The following NEBL variants were observed in gnomAD, a reference collection of about 807,000 sequenced individuals.
NEBL encodes the protein nebulette, also known as LIM and SH3 protein 2.
In NEBL, 122 loss-of-function variants were observed where a neutral mutation model predicts 140.2. That is an observed-to-expected ratio of 0.87 (90% CI 0.75 to 1.01). The LOEUF is 1.01. Among genes scored for constraint, NEBL ranks in the 50% least tolerant of loss-of-function variants. The pLI is 0.00. For synonymous variants in NEBL, 436 were observed against 398.9 expected, an observed-to-expected ratio of 1.09 and a Z score of -1.11; for missense variants, 1,365 against 1,231.3, an observed-to-expected ratio of 1.11 and a Z score of -1.62.
intron 4 of NEBL, among the ~76,000 whole-genome samples, chr10:20,884,365 C>A (rs747780842): frequency 3.3e-5 from 5 of 152,154 alleles, no homozygotes; most frequent in Non-Finnish European, 5.9e-5. Context: ...GCACGAGCCA[C>A]AGCATCTGGC....
At chr10:20,798,348 A>C (rs2131679139) in intron 26 of NEBL, among the ~76,000 whole-genome samples, 1 of 152,270 alleles carries the variant, frequency 6.6e-6, no homozygotes, top group Non-Finnish European at 1.5e-5. Flanking sequence ...CACAACCTAC[A>C]CGCCTAGGGC....
intron 3 of NEBL, among the ~76,000 whole-genome samples, chr10:21,223,619 C>A (rs998914994): frequency 2.0e-5 from 3 of 152,142 alleles, no homozygotes. Flanking sequence ...TTTGAGGAAC[C>A]TCCAATTGTT....
chr10:21,190,353 T>C (rs1202256285), intron 3 of NEBL, among the ~76,000 whole-genome samples: 1 of 151,716 alleles, frequency 6.6e-6, no homozygotes, highest in Non-Finnish European at 1.5e-5. Context: ...GGCATGGTGG[T>C]GCATGCCTTA....
intron 18 of NEBL, among the ~76,000 whole-genome samples, chr10:20,824,921 C>T (rs1049216454): frequency 1.3e-5 from 2 of 152,074 alleles, no homozygotes; most frequent in Non-Finnish European, 2.9e-5. Context: ...GAAAGAGAAG[C>T]AATGAATATT....
At chr10:21,076,682 A>T (rs917399717) in intron 2 of NEBL, among the ~76,000 whole-genome samples, 3 of 152,204 alleles carry the variant, frequency 2.0e-5, no homozygotes, top group Admixed American at 2.0e-4. Flanking sequence ...ATTCAACCTT[A>T]AAAAGGAAAG....
intron 2 of NEBL, among the ~76,000 whole-genome samples, chr10:21,033,026 C>T (rs1399494826): frequency 1.3e-5 from 2 of 152,162 alleles, no homozygotes; most frequent in Non-Finnish European, 2.9e-5. Flanking sequence ...CACACACACA[C>T]CTACATATTG....
chr10:20,941,348 A>G (rs1442307784), intron 4 of NEBL, among the ~76,000 whole-genome samples: 2 of 152,202 alleles, frequency 1.3e-5, no homozygotes, highest in South Asian at 4.1e-4. Context: ...TGATTATCTC[A>G]ATAGATGCAG....
chr10:21,259,505 T>C (rs565926348), intron 1 of NEBL, among the ~76,000 whole-genome samples: 7 of 152,192 alleles, frequency 4.6e-5, no homozygotes, highest in Non-Finnish European at 7.4e-5. Context: ...TTTCTAGCCT[T>C]TCCCACCCTC....
chr10:21,286,701 G>A (rs1444454942), intron 1 of NEBL, among the ~76,000 whole-genome samples: 3 of 152,194 alleles, frequency 2.0e-5, no homozygotes, highest in South Asian at 4.1e-4. Flanking sequence ...AGGCGTGGTG[G>A]TGGGCACCTG....
Position 20,780,025 on chromosome 10 carries a change from T to A in NEBL, c.*5722A>T, listed in dbSNP as rs1030812100. 1.3e-5 allele frequency: 2 copies of A among 152,136 alleles called. No individual in the cohort carries two copies. Among genetic ancestry groups the A allele is most frequent in the Non-Finnish European group, 2.9e-5 (2 of 68,024 alleles). 9.4% of individuals were successfully genotyped at this position (152,136 alleles called of 1,614,324 possible). A position where few individuals can be genotyped will look rare whatever the true frequency, so the allele number is the denominator to read the frequency against. ...AGATGTCATCCGCAAAGTTTATCAA[T>A]TTACAATTAGGAAGGATTATGAGCC... On this transcript the variant is annotated 3_prime_UTR_variant, in exon 28 of 28. Transcript: ENST00000377122.
intron 3 of NEBL, among the ~76,000 whole-genome samples, chr10:21,244,118 A>G (rs66712624): frequency 0.06 from 9,134 of 152,166 alleles, 325 homozygotes; most frequent in South Asian, 0.16. Flanking sequence ...ACCCCTTTCA[A>G]TCTTTCCCCA....
intron 1 of NEBL, among the ~76,000 whole-genome samples, chr10:21,288,851 A>ATATATATATATAT (rs1337610393): frequency 2.7e-3 from 88 of 32,094 alleles, no homozygotes; most frequent in African/African-American, 4.8e-3. Flanking sequence ...TATATATATA[A>ATATATATATATAT]AAATTTTTTT....
intron 2 of NEBL, among the ~76,000 whole-genome samples, chr10:21,121,609 A>G (rs1838577441): frequency 6.6e-6 from 1 of 152,214 alleles, no homozygotes; most frequent in African/African-American, 2.4e-5. Context: ...TCAAGTTAGA[A>G]AATCCTAATC....
intron 2 of NEBL, among the ~76,000 whole-genome samples, chr10:21,249,486 A>G (rs1306690284): frequency 2.4e-4 from 36 of 151,988 alleles, no homozygotes; most frequent in Non-Finnish European, 1.5e-5. Flanking sequence ...CCCTACTACA[A>G]GAGTTTTATG....
Position 20,851,603 on chromosome 10 carries a change from G to A in NEBL, c.1008+942C>T, listed in dbSNP as rs188236549. Among the ~76,000 whole-genome samples, 348 of 147,790 alleles carry A rather than the reference G, an allele frequency of 2.4e-3. 10 individuals are homozygous for A. In the East Asian group the frequency reaches 0.052, roughly 22 times the overall value. On this transcript the variant is annotated intron_variant, in intron 10 of 27. Coordinates refer to ENST00000377122, the MANE Select transcript of NEBL (RefSeq NM_006393.3). ...AGCCTGGCCAATATAGTGAAACCCC[G>A]TCTTTACTAAAAATACAAAAAAAAA...
intron 26 of NEBL, among the ~76,000 whole-genome samples, chr10:20,799,867 T>C (rs1836925803): frequency 6.6e-6 from 1 of 152,160 alleles, no homozygotes; most frequent in Admixed American, 6.6e-5. Context: ...ATGGGATACA[T>C]ATACGTGGTA....
intron 1 of NEBL, among the ~76,000 whole-genome samples, chr10:21,265,774 C>T (rs146541328): frequency 1.3e-5 from 2 of 152,366 alleles, no homozygotes; most frequent in African/African-American, 4.8e-5. Flanking sequence ...TCTGTCACAA[C>T]TACTCAACTC....
intron 2 of NEBL, among the ~76,000 whole-genome samples, chr10:21,070,540 G>T (rs1345175953): frequency 6.6e-6 from 1 of 151,940 alleles, no homozygotes; most frequent in Non-Finnish European, 1.5e-5. Context: ...TAACTATCCA[G>T]TTGCCCTTAG....
chr10:21,104,388 T>C lies in NEBL; in HGVS notation c.164+67995A>G, dbSNP rs537764906. Reference sequence around the variant, plus strand: ...AGCATTGTATATCTCCCCATTTCACTAGGCCTTATTTAATTTTTCCAGCAA... The same window carrying C: ...AGCATTGTATATCTCCCCATTTCACCAGGCCTTATTTAATTTTTCCAGCAA... On this transcript the variant is annotated intron_variant, in intron 2 of 6. Transcript: ENST00000417816. Among the ~76,000 whole-genome samples, 3 of 152,318 alleles carry C rather than the reference T, an allele frequency of 2.0e-5. No homozygotes were observed. The South Asian group carries it at 6.2e-4, about 32-fold the overall frequency.
Sources: allele counts gnomAD v4.1 joint callset (sites outside exome capture counted in the v4.1 genomes callset), GRCh38; gene constraint gnomAD v4.1.1; transcripts MANE v1.5; gene names NCBI Gene and HGNC (gene_info 2026-07-23, HGNC 2026-07-21).